The following NCKAP5 variants were observed in gnomAD, a reference collection of about 807,000 sequenced individuals.
NCKAP5 encodes the protein nck-associated protein 5.
Under a neutral mutation model 167.0 loss-of-function variants are expected in NCKAP5, and 92 were observed. The observed-to-expected ratio is 0.55, with a 90% CI of 0.47 to 0.66. The LOEUF is 0.66. Ranked by LOEUF, NCKAP5 falls within the 30% of genes least tolerant of loss-of-function variation. NCKAP5 has a pLI of 0.00. For missense variants in NCKAP5, 2,378 were observed against 2,315.0 expected, an observed-to-expected ratio of 1.03 and a Z score of -0.56; for synonymous variants, 891 against 877.4, an observed-to-expected ratio of 1.02 and a Z score of -0.27.
intron 5 of NCKAP5, among the ~76,000 whole-genome samples, chr2:133,193,037 A>C (rs898601927): frequency 1.3e-5 from 2 of 152,278 alleles, no homozygotes; most frequent in African/African-American, 2.4e-5. Flanking sequence ...GTTGTGGTAC[A>C]TCCATATCAT....
intron 2 of NCKAP5, among the ~76,000 whole-genome samples, chr2:133,534,602 A>G (rs1258610783): frequency 6.6e-6 from 1 of 152,168 alleles, no homozygotes; most frequent in Non-Finnish European, 1.5e-5. Flanking sequence ...AATCTTTGTG[A>G]CTAACTTCTT....
At chr2:132,830,395 TGCTTGCAACAGTCTAAG>T (rs1687434861) in intron 11 of NCKAP5, among the ~76,000 whole-genome samples, 1 of 150,372 alleles carries the variant, frequency 6.7e-6, no homozygotes, top group South Asian at 2.1e-4. Flanking sequence ...GACAGACTGT[TGCTTGCAACAGTCTAAG>T]GACAGTCTGT....
chr2:133,123,979 G>A (rs972502831), intron 6 of NCKAP5, among the ~76,000 whole-genome samples: 4 of 152,138 alleles, frequency 2.6e-5, no homozygotes, highest in African/African-American at 7.2e-5. Context: ...TCTGAGAACC[G>A]ATAATGTGAA....
intron 6 of NCKAP5, among the ~76,000 whole-genome samples, chr2:133,095,041 C>T (rs1047249605): frequency 2.0e-5 from 3 of 152,154 alleles, no homozygotes; most frequent in Non-Finnish European, 4.4e-5. Context: ...CCAAGCCTGG[C>T]TGGCACCTTG....
At chr2:133,587,445 C>T in the NCKAP5 span, among the ~76,000 whole-genome samples, 1 of 152,174 alleles carries the variant, frequency 6.6e-6, no homozygotes, top group African/African-American at 2.4e-5. Context: ...TGGGAGGTGA[C>T]ATCGGAATGG....
chr2:133,451,412 A>G (rs974536849), intron 3 of NCKAP5, among the ~76,000 whole-genome samples: 3 of 152,180 alleles, frequency 2.0e-5, no homozygotes, highest in Non-Finnish European at 4.4e-5. Context: ...GTGGCACATG[A>G]GTATCCTTTT....
chr2:133,184,536 C>T (rs1032845025), intron 5 of NCKAP5, among the ~76,000 whole-genome samples: 1 of 152,084 alleles, frequency 6.6e-6, no homozygotes, highest in African/African-American at 2.4e-5. Flanking sequence ...TTTGGGAAAT[C>T]TGTAAACTGC....
At chr2:133,579,412 A>G in the NCKAP5 span, among the ~76,000 whole-genome samples, 1 of 152,232 alleles carries the variant, frequency 6.6e-6, no homozygotes, top group Non-Finnish European at 1.5e-5. Flanking sequence ...TAGAACTCAA[A>G]GGGTCAGGTC....
rs148372374 is a variant in NCKAP5, at chr2:133,152,728, T to C, written c.208-22617A>G. 1.2e-4 allele frequency among the ~76,000 whole-genome samples: 19 copies of C among 152,320 alleles called. No homozygotes were observed. The East Asian group carries it at 3.7e-3, about 29-fold the overall frequency. Reference sequence around the variant, plus strand: ...TGATTCCAAGTATAGTCATGTGCCATATAACAAAGTTTTGGTCAATGACTG... The same window carrying C: ...TGATTCCAAGTATAGTCATGTGCCACATAACAAAGTTTTGGTCAATGACTG... On this transcript the variant is annotated intron_variant, in intron 5 of 19. Coordinates refer to ENST00000409261, the MANE Select transcript of NCKAP5 (RefSeq NM_207363.3).
At chr2:133,617,029 T>A in the NCKAP5 span, among the ~76,000 whole-genome samples, 1 of 152,182 alleles carries the variant, frequency 6.6e-6, no homozygotes, top group African/African-American at 2.4e-5. Context: ...ATCCAGCATA[T>A]AAACAGAACC....
At chr2:132,869,390 A>G (rs2148761554) in intron 9 of NCKAP5, among the ~76,000 whole-genome samples, 1 of 152,254 alleles carries the variant, frequency 6.6e-6, no homozygotes, top group Non-Finnish European at 1.5e-5. Context: ...TGTCTATTTC[A>G]CTGCTTAATA....
chr2:132,774,054 T>C (rs1682330368), intron 15 of NCKAP5, among the ~76,000 whole-genome samples, 160 bp from the exon 16 acceptor site: 1 of 152,204 alleles, frequency 6.6e-6, no homozygotes, highest in South Asian at 2.1e-4. Flanking sequence ...ACATATAAAA[T>C]ACATTTTTTT....
At chr2:133,407,222 T>C (rs568737464) in intron 3 of NCKAP5, among the ~76,000 whole-genome samples, 1 of 152,260 alleles carries the variant, frequency 6.6e-6, no homozygotes, top group South Asian at 2.1e-4. Flanking sequence ...TGCTGAACAG[T>C]GAAGATTTTC....
chr2:133,346,107 C>T (rs1347875902), intron 3 of NCKAP5, among the ~76,000 whole-genome samples: 2 of 152,110 alleles, frequency 1.3e-5, no homozygotes, highest in Admixed American at 1.3e-4. Flanking sequence ...TTCCACCACT[C>T]CACCCCACTC....
chr2:132,924,431 A>G (rs757447323), intron 8 of NCKAP5, among the ~76,000 whole-genome samples: 1 of 152,344 alleles, frequency 6.6e-6, no homozygotes, highest in East Asian at 1.9e-4. Context: ...TTAAGAAAAT[A>G]TAAAATATTA....
chr2:133,434,041 T>C (rs182909381), intron 3 of NCKAP5: 2 of 152,184 alleles, frequency 1.3e-5, no homozygotes, highest in African/African-American at 4.8e-5. Context: ...TACTTATACA[T>C]GATTTCCAGA....
intron 6 of NCKAP5, among the ~76,000 whole-genome samples, chr2:133,070,123 G>A (rs993794613): frequency 1.4e-4 from 21 of 152,140 alleles, no homozygotes; most frequent in African/African-American, 5.1e-4. Context: ...TTGTCAATGA[G>A]TAGGAAAAAT....
chr2:133,448,673 C>A (rs923748608), intron 3 of NCKAP5, among the ~76,000 whole-genome samples: 1 of 152,136 alleles, frequency 6.6e-6, no homozygotes, highest in Non-Finnish European at 1.5e-5. Context: ...AACAGGGTCT[C>A]ACTGTTGCCC....
chr2:133,385,204 A>G (rs1407177384), intron 3 of NCKAP5, among the ~76,000 whole-genome samples: 1 of 152,168 alleles, frequency 6.6e-6, no homozygotes, highest in African/African-American at 2.4e-5. Context: ...AGCTCTTATT[A>G]TTTTGAGATA....
Sources: gnomAD v4.1 joint callset for allele counts (sites outside exome capture counted in the v4.1 genomes callset) on GRCh38, gnomAD v4.1.1 for gene constraint, MANE v1.5 for transcripts, NCBI Gene and HGNC (gene_info 2026-07-23, HGNC 2026-07-21) for gene names.